The following GRID2 variants were observed in gnomAD, a reference collection of about 807,000 sequenced individuals.
GRID2 encodes glutamate receptor ionotropic, delta-2.
In GRID2, 33 loss-of-function variants were observed where a neutral mutation model predicts 114.8. The observed-to-expected ratio is 0.29, with a 90% confidence interval of 0.22 to 0.38. The LOEUF (loss-of-function observed/expected upper bound fraction) is 0.38. Among genes scored for constraint, GRID2 ranks in the 10% least tolerant of loss-of-function variants. The pLI is 1.00. For synonymous variants in GRID2, 505 were observed against 449.9 expected, an observed-to-expected ratio of 1.12 and a Z score of -1.55; for missense variants, 1,184 against 1,257.7, an observed-to-expected ratio of 0.94 and a Z score of 0.89.
intron 8 of GRID2, among the ~76,000 whole-genome samples, chr4:93,282,557 A>C (rs544281598): frequency 6.6e-6 from 1 of 152,148 alleles, no homozygotes; most frequent in Admixed American, 6.6e-5. Context: ...CATTTGTGAT[A>C]ATGGCATTAA....
At chr4:92,510,874 G>C (rs888123873) in intron 1 of GRID2, among the ~76,000 whole-genome samples, 1 of 135,872 alleles carries the variant, frequency 7.4e-6, no homozygotes, top group Non-Finnish European at 1.6e-5. Flanking sequence ...AAAAAAAACA[G>C]TGGCAATAAG....
At chr4:93,607,734 A>C (rs185210031) in intron 13 of GRID2, among the ~76,000 whole-genome samples, 92 of 152,262 alleles carry the variant, frequency 6.0e-4, no homozygotes, top group African/African-American at 2.2e-3. Flanking sequence ...GATATAAAGC[A>C]GTATGCCCCT....
At chr4:92,578,446 A>G (rs1434314917) in intron 1 of GRID2, among the ~76,000 whole-genome samples, 13 of 151,390 alleles carry the variant, frequency 8.6e-5, no homozygotes. Flanking sequence ...AAGGACATGA[A>G]CTCATCATTT....
intron 14 of GRID2, among the ~76,000 whole-genome samples, chr4:93,756,319 A>G (rs1013223374): frequency 6.6e-6 from 1 of 152,200 alleles, no homozygotes; most frequent in Non-Finnish European, 1.5e-5. Flanking sequence ...TGCAATCATG[A>G]CATTGCTGCT....
At chr4:92,782,031 G>A (rs573890026) in intron 2 of GRID2, among the ~76,000 whole-genome samples, 3 of 151,974 alleles carry the variant, frequency 2.0e-5, no homozygotes, top group Non-Finnish European at 4.4e-5. Context: ...TTTTAATGGA[G>A]GCTTCATAAG....
intron 8 of GRID2, among the ~76,000 whole-genome samples, chr4:93,332,297 T>TGAGAGAGAGAGAGAGAGA (rs1255976950): frequency 1.5e-5 from 2 of 133,052 alleles, no homozygotes; most frequent in African/African-American, 6.4e-5. Flanking sequence ...TGTGTGTGTG[T>TGAGAGAGAGAGAGAGAGA]GTGAGAGAGA....
chr4:93,606,717 G>C (rs1740275496), intron 13 of GRID2, among the ~76,000 whole-genome samples: 1 of 152,092 alleles, frequency 6.6e-6, no homozygotes. Context: ...TAAAGTTAAG[G>C]TGTGTCAATG....
At chr4:93,751,501 G>A (rs940344074) in intron 14 of GRID2, among the ~76,000 whole-genome samples, 2 of 152,058 alleles carry the variant, frequency 1.3e-5, no homozygotes, top group East Asian at 1.9e-4. Flanking sequence ...CTGGTTCTTG[G>A]GGGGAAATGC....
chr4:93,403,130 G>A (rs900642515), intron 9 of GRID2, among the ~76,000 whole-genome samples: 2 of 152,146 alleles, frequency 1.3e-5, no homozygotes, highest in African/African-American at 2.4e-5. Context: ...TCTTACGAGG[G>A]CTCCTTCGGA....
At chr4:93,399,366 T>A (rs1318020993) in intron 9 of GRID2, among the ~76,000 whole-genome samples, 1 of 152,160 alleles carries the variant, frequency 6.6e-6, no homozygotes, top group Non-Finnish European at 1.5e-5. Context: ...TGTTGATATT[T>A]TATTGACTTG....
chr4:93,501,651 G>A (rs1453997684), intron 12 of GRID2, among the ~76,000 whole-genome samples: 1 of 151,980 alleles, frequency 6.6e-6, no homozygotes, highest in Non-Finnish European at 1.5e-5. Context: ...GTCTTTCAAA[G>A]CCACCTTTCA....
intron 1 of GRID2, among the ~76,000 whole-genome samples, chr4:92,422,550 T>A (rs1445292125): frequency 6.6e-6 from 1 of 151,944 alleles, no homozygotes; most frequent in Non-Finnish European, 1.5e-5. Flanking sequence ...ATTAGTTAGG[T>A]AGGAGATGAA....
intron 14 of GRID2, among the ~76,000 whole-genome samples, chr4:93,695,724 G>A (rs897256524): frequency 2.0e-5 from 3 of 152,164 alleles, no homozygotes; most frequent in African/African-American, 7.2e-5. Context: ...TTAGGAGACA[G>A]CCAGAGAGCA....
chr4:92,404,685 A>T (rs949886951), intron 1 of GRID2, among the ~76,000 whole-genome samples: 6 of 152,206 alleles, frequency 3.9e-5, no homozygotes, highest in African/African-American at 1.4e-4. Context: ...CACACCATGG[A>T]ATACTGTGCA....
At chr4:93,624,515 A>C (rs1742515053) in intron 13 of GRID2, among the ~76,000 whole-genome samples, 1 of 152,136 alleles carries the variant, frequency 6.6e-6, no homozygotes, top group Non-Finnish European at 1.5e-5. Context: ...TTACCAATAG[A>C]TAGATAACAG....
intron 2 of GRID2, among the ~76,000 whole-genome samples, chr4:92,645,115 T>C (rs1731545901): frequency 1.3e-5 from 2 of 151,768 alleles, no homozygotes; most frequent in Admixed American, 1.3e-4. Context: ...AAACTTTCAA[T>C]CTTCCTGTAA....
At chr4:92,992,115 C>A (rs1188752268) in intron 2 of GRID2, among the ~76,000 whole-genome samples, 1 of 152,106 alleles carries the variant, frequency 6.6e-6, no homozygotes, top group Non-Finnish European at 1.5e-5. Context: ...AAGGCAAACC[C>A]AGTTTAAAGA....
chr4:93,426,504 G>A (rs917398950), intron 10 of GRID2, among the ~76,000 whole-genome samples: 17 of 152,162 alleles, frequency 1.1e-4, no homozygotes, highest in African/African-American at 3.9e-4. Context: ...AACATAAAAA[G>A]CATTCAAATT....
chr4:92,943,928 T>G (rs1751385728), intron 2 of GRID2, among the ~76,000 whole-genome samples: 2 of 152,176 alleles, frequency 1.3e-5, no homozygotes, highest in African/African-American at 4.8e-5. Flanking sequence ...TGTTGCTGCC[T>G]GATTGTTCCT....
Sources: allele counts gnomAD v4.1 joint callset (sites outside exome capture counted in the v4.1 genomes callset), GRCh38; gene constraint gnomAD v4.1.1; transcripts MANE v1.5; gene names NCBI Gene and HGNC (gene_info 2026-07-23, HGNC 2026-07-21).